The following SOX6 variants were observed in gnomAD, a reference collection of about 807,000 sequenced individuals.
The protein encoded by SOX6 is SRY-box transcription factor 6, also known as transcription factor SOX-6.
A neutral mutation model predicts 97.8 loss-of-function variants in SOX6; 11 were observed. The observed-to-expected ratio is 0.11, with a 90% confidence interval of 0.07 to 0.19. SOX6 has a LOEUF of 0.19. Among genes scored for constraint, SOX6 ranks in the 10% least tolerant of loss-of-function variants. The pLI, the probability that SOX6 is intolerant of heterozygous loss-of-function variation, is 1.00. For missense variants in SOX6, 810 were observed against 1,039.5 expected, an observed-to-expected ratio of 0.78 and a Z score of 3.04; for synonymous variants, 360 against 371.4, an observed-to-expected ratio of 0.97 and a Z score of 0.35.
intron 4 of SOX6, among the ~76,000 whole-genome samples, chr11:16,549,239 G>A (rs970929574): frequency 1.3e-5 from 2 of 151,974 alleles, no homozygotes; most frequent in South Asian, 2.1e-4. Context: ...GCATGATCTC[G>A]GCTCACTGCA....
chr11:16,438,908 A>G (rs1409463940), intron 1 of SOX6, among the ~76,000 whole-genome samples: 1 of 152,178 alleles, frequency 6.6e-6, no homozygotes, highest in Non-Finnish European at 1.5e-5. Flanking sequence ...GTAACCTTAT[A>G]ATAACCTTCT....
intron 4 of SOX6, among the ~76,000 whole-genome samples, chr11:16,521,139 G>A (rs1035068401): frequency 3.9e-5 from 6 of 152,178 alleles, no homozygotes; most frequent in African/African-American, 1.4e-4. Flanking sequence ...GGTTCTCCCA[G>A]CATGCAGCTG....
At chr11:16,308,227 T>C (rs1240388989) in intron 3 of SOX6, among the ~76,000 whole-genome samples, 1 of 152,150 alleles carries the variant, frequency 6.6e-6, no homozygotes, top group East Asian at 1.9e-4. Context: ...GTTTCAAGCA[T>C]AATGAAAGAA....
rs75726306 is a variant in SOX6 at position 16,382,050 on chromosome 11, G to A, written c.-4-40798C>T. ...ACCATTAAAATAGGCCATTTCTTAC[G>A]TTTAATCATTATAAAAGAGGAGTAA... On this transcript the variant is annotated intron_variant, in intron 1 of 15. Coordinates refer to the SOX6 transcript ENST00000396356. Among the ~76,000 whole-genome samples, 1,209 of 151,910 alleles carry A rather than the reference G, an allele frequency of 8.0e-3. 18 individuals are homozygous for A. Among genetic ancestry groups the A allele is most frequent in the African/African-American group, 0.024 (1,010 of 41,490 alleles).
chr11:16,600,161 A>G (rs1406883575), intron 4 of SOX6, among the ~76,000 whole-genome samples: 1 of 152,258 alleles, frequency 6.6e-6, no homozygotes, highest in Non-Finnish European at 1.5e-5. Flanking sequence ...GTGCTAGTGC[A>G]CAGAGTCCAA....
At chr11:16,463,600 C>A (rs1466583259) in intron 1 of SOX6, among the ~76,000 whole-genome samples, 2 of 152,310 alleles carry the variant, frequency 1.3e-5, no homozygotes, top group East Asian at 1.9e-4. Flanking sequence ...CAAGCAGCAA[C>A]TGTTTTTTGG....
intron 3 of SOX6, among the ~76,000 whole-genome samples, chr11:16,671,886 T>C (rs1237863580): frequency 6.6e-6 from 1 of 152,128 alleles, no homozygotes; most frequent in Non-Finnish European, 1.5e-5. Flanking sequence ...AAGAATGTTA[T>C]GGCAGCTAAA....
chr11:16,703,088 GTATCT>G (rs1435959863), intron 3 of SOX6, among the ~76,000 whole-genome samples: 1 of 151,754 alleles, frequency 6.6e-6, no homozygotes. Context: ...CATTTAAAAT[GTATCT>G]TATATGTTTG....
chr11:16,255,824 T>G (rs1162463512), intron 3 of SOX6, among the ~76,000 whole-genome samples: 1 of 150,366 alleles, frequency 6.7e-6, no homozygotes. Context: ...ATAGATGAAC[T>G]TCTAGCCAGA....
At chr11:16,091,650 C>T (rs1236762585) in intron 9 of SOX6, among the ~76,000 whole-genome samples, 2 of 151,980 alleles carry the variant, frequency 1.3e-5, no homozygotes, top group African/African-American at 4.8e-5. Flanking sequence ...TGTTCTCCTC[C>T]ATCTTTGCAA....
chr11:16,480,453 A>G (rs1489512385), upstream of SOX6, among the ~76,000 whole-genome samples: 3 of 152,154 alleles, frequency 2.0e-5, no homozygotes, highest in Admixed American at 1.3e-4. Context: ...CTTAACATCA[A>G]ATGAAGAAAC....
At position 16,423,549 on chromosome 11, in the gene SOX6, A is replaced by G. The variant is rs1859062175; in HGVS notation, c.-5+52766T>C. ...AAATGAGTGACCACTGCAATAATAC[A>G]TAAAGAAAAAGGAGTCAACACCTTT... On this transcript the variant is annotated intron_variant, in intron 1 of 15. Transcript: ENST00000396356. Among the ~76,000 whole-genome samples, 4 of 152,196 alleles carry G rather than the reference A, an allele frequency of 2.6e-5. No homozygotes were observed. The South Asian group carries it at 6.2e-4, about 24-fold the overall frequency.
At chr11:16,356,873 G>T (rs993815529), upstream of SOX6, among the ~76,000 whole-genome samples, 1 of 152,088 alleles carries the variant, frequency 6.6e-6, no homozygotes, top group African/African-American at 2.4e-5. Flanking sequence ...GCTAGGAAAA[G>T]ACAGGAATGC....
At chr11:16,439,884 C>G (rs1294709940) in intron 1 of SOX6, among the ~76,000 whole-genome samples, 2 of 152,176 alleles carry the variant, frequency 1.3e-5, no homozygotes, top group Non-Finnish European at 2.9e-5. Context: ...CACTACACCT[C>G]TCTATAAAGT....
upstream of SOX6, among the ~76,000 whole-genome samples, chr11:16,480,318 C>T (rs1219943614): frequency 6.6e-6 from 1 of 152,004 alleles, no homozygotes; most frequent in African/African-American, 2.4e-5. Context: ...TTCAGTATAT[C>T]ACTTAGACAT....
chr11:16,205,579 G>T (rs946210430), intron 4 of SOX6, among the ~76,000 whole-genome samples: 2 of 152,130 alleles, frequency 1.3e-5, no homozygotes, highest in African/African-American at 4.8e-5. Context: ...GAAATGCAGA[G>T]TTATGAAGAT....
intron 4 of SOX6, among the ~76,000 whole-genome samples, chr11:16,215,226 C>T (rs568206930): frequency 2.6e-5 from 4 of 151,988 alleles, no homozygotes; most frequent in East Asian, 1.9e-4. Flanking sequence ...TCAGGAATAC[C>T]GGAAAATTAT....
chr11:16,329,883 G>A (rs1426939155), intron 2 of SOX6, among the ~76,000 whole-genome samples: 3 of 152,092 alleles, frequency 2.0e-5, no homozygotes, highest in Non-Finnish European at 4.4e-5. Context: ...TATGAAACAC[G>A]TTCCAATCTA....
intron 9 of SOX6, among the ~76,000 whole-genome samples, chr11:16,082,305 AT>A (rs1564944611): frequency 1.3e-5 from 2 of 152,214 alleles, no homozygotes; most frequent in Admixed American, 1.3e-4. Context: ...GATCTGTTAA[AT>A]AAGTCAGTGG....
Sources: gnomAD v4.1 joint callset for allele counts (sites outside exome capture counted in the v4.1 genomes callset) on GRCh38, gnomAD v4.1.1 for gene constraint, MANE v1.5 for transcripts, NCBI Gene and HGNC (gene_info 2026-07-23, HGNC 2026-07-21) for gene names.